Variants in CYREN observed in about 807,000 individuals in gnomAD.
CYREN encodes the protein cell cycle regulator of NHEJ.
A neutral mutation model predicts 9.7 loss-of-function variants in CYREN; 7 were observed. The ratio of observed to expected loss-of-function variants is 0.72; its 90% CI spans 0.41 to 1.36. The LOEUF is 1.36. Ranked by LOEUF, CYREN falls within the 40% of genes most tolerant of loss-of-function variation. The probability of loss-of-function intolerance (pLI) is 0.01; values close to 1 mark genes in which losing one functional copy is unlikely to be tolerated. For missense variants in CYREN, 215 were observed against 198.1 expected, an observed-to-expected ratio of 1.09 and a Z score of -0.51; for synonymous variants, 76 against 77.9, an observed-to-expected ratio of 0.98 and a Z score of 0.13.
intron 2 of CYREN, among the ~76,000 whole-genome samples, chr7:135,145,642 C>G (rs569667092): frequency 6.6e-6 from 1 of 152,122 alleles, no homozygotes; most frequent in Non-Finnish European, 1.5e-5. Flanking sequence ...AGCAAACAAA[C>G]TTTTTAAAAA....
chr7:135,138,147 G>C (rs1420219183), intron 2 of CYREN, among the ~76,000 whole-genome samples: 1 of 151,862 alleles, frequency 6.6e-6, no homozygotes, highest in African/African-American at 2.4e-5. Context: ...GTGGGAATTT[G>C]TCATCTCTAG....
chr7:135,141,604 G>A (rs1585331904), intron 2 of CYREN, among the ~76,000 whole-genome samples: 3 of 151,626 alleles, frequency 2.0e-5, no homozygotes, highest in South Asian at 2.1e-4. Context: ...CTTTGGGGTC[G>A]GTTCACTCCT....
chr7:135,125,566 C>A (rs1184103784), intron 2 of CYREN, among the ~76,000 whole-genome samples: 1 of 152,150 alleles, frequency 6.6e-6, no homozygotes, highest in Non-Finnish European at 1.5e-5. Context: ...ATCCTGATAC[C>A]AAAACCAGGA....
At chr7:135,102,856 C>G (rs1824060909) in intron 2 of CYREN, among the ~76,000 whole-genome samples, 2 of 152,006 alleles carry the variant, frequency 1.3e-5, no homozygotes, top group Non-Finnish European at 2.9e-5. Context: ...TCTTTATGGT[C>G]TTGGAATAAG....
At chr7:135,164,578 G>C, downstream of CYREN, 2 of 1,614,248 alleles carry the variant, frequency 1.2e-6, no homozygotes, top group South Asian at 1.1e-5. Flanking sequence ...CCCAACCTGA[G>C]AATCGGCTTC....
chr7:135,133,067 GCACA>G (rs55861736), intron 2 of CYREN, among the ~76,000 whole-genome samples: 9,340 of 150,322 alleles, frequency 0.062, 374 homozygotes, highest in Non-Finnish European at 0.095. Flanking sequence ...ACGCATGCGT[GCACA>G]CACACACACA....
intron 2 of CYREN, among the ~76,000 whole-genome samples, chr7:135,144,938 T>TG (rs1829517420): frequency 2.2e-5 from 1 of 45,618 alleles, no homozygotes; most frequent in East Asian, 1.1e-3. Flanking sequence ...CTCAAAAGAG[T>TG]AAAAAAAAAA....
intron 2 of CYREN, among the ~76,000 whole-genome samples, chr7:135,137,039 C>A (rs1055346895): frequency 2.0e-5 from 3 of 152,044 alleles, no homozygotes; most frequent in Admixed American, 1.3e-4. Flanking sequence ...AGCATCTCCT[C>A]CACCTGGCAG....
chr7:135,128,523 AG>A, intron 2 of CYREN: 1 of 762,856 alleles, frequency 1.3e-6, no homozygotes, highest in South Asian at 1.3e-5. Context: ...TTAGAAAAGC[AG>A]TCTGTCCAAG....
At chr7:135,144,249 C>T (rs902529458) in intron 2 of CYREN, among the ~76,000 whole-genome samples, 7 of 152,142 alleles carry the variant, frequency 4.6e-5, no homozygotes, top group African/African-American at 1.7e-4. Flanking sequence ...GAGGCTACTA[C>T]GCCACTCAGG....
intron 2 of CYREN, among the ~76,000 whole-genome samples, chr7:135,123,186 T>C (rs1203925985): frequency 6.6e-6 from 1 of 152,038 alleles, no homozygotes; most frequent in Admixed American, 6.6e-5. Context: ...AATAACCAGT[T>C]TAGAGAGGAA....
intron 2 of CYREN, among the ~76,000 whole-genome samples, chr7:135,096,791 G>GAAAGAAAGAAAGAA (rs1822964711): frequency 6.7e-6 from 1 of 148,690 alleles, no homozygotes; most frequent in Non-Finnish European, 1.5e-5. Flanking sequence ...AAGAAAGAAA[G>GAAAGAAAGAAAGAA]AAAAAGGGAA....
chr7:135,146,529 G>A (rs1829551364), intron 2 of CYREN, among the ~76,000 whole-genome samples: 1 of 152,154 alleles, frequency 6.6e-6, no homozygotes, highest in African/African-American at 2.4e-5. Context: ...CACAAAGAGA[G>A]ATGCACAATA....
At chr7:135,130,033 T>C (rs1828508479) in intron 2 of CYREN, among the ~76,000 whole-genome samples, 1 of 152,204 alleles carries the variant, frequency 6.6e-6, no homozygotes. Context: ...GAGTTAAACT[T>C]ACAGACCCTT....
At chr7:135,164,782 G>C (rs559385983), downstream of CYREN, 1 of 1,614,092 alleles carries the variant, frequency 6.2e-7, no homozygotes, top group Admixed American at 1.7e-5. Flanking sequence ...AGAGCGTGGC[G>C]GCTGGCAGTG....
intron 2 of CYREN, chr7:135,128,617 C>G (rs1801539011): frequency 2.5e-6 from 2 of 791,324 alleles, no homozygotes; most frequent in Admixed American, 3.5e-5. Context: ...GAAGAACACC[C>G]TGGCAGCGTG....
At position 135,121,556 on chromosome 7, in the gene CYREN, A is replaced by C. The variant is rs1371716908; in HGVS notation, n.357-26974T>G. ...TCAATAGCCAAAGGGTAATAGGAAA[A>C]AAAAAAAAAAACCTAAACATTTGGA... On this transcript the variant is annotated intron_variant and non_coding_transcript_variant, in intron 2 of 2. Transcript: ENST00000459937. Among the ~76,000 whole-genome samples the C allele has an allele frequency of 3.3e-5, 5 of 152,022 alleles. No homozygotes were observed. In the East Asian group the frequency reaches 9.6e-4, roughly 29 times the overall value.
At chr7:135,145,922 G>C (rs1315130157) in intron 2 of CYREN, among the ~76,000 whole-genome samples, 1 of 152,132 alleles carries the variant, frequency 6.6e-6, no homozygotes, top group Non-Finnish European at 1.5e-5. Flanking sequence ...AAACCTAACG[G>C]ACATACCTTA....
downstream of CYREN, among the ~76,000 whole-genome samples, chr7:135,163,002 C>T (rs1421183123): frequency 6.6e-6 from 1 of 152,338 alleles, no homozygotes; most frequent in East Asian, 1.9e-4. Context: ...GATATTTCTA[C>T]CCTTGATCCA....
Sources: gnomAD v4.1 joint callset for allele counts (sites outside exome capture counted in the v4.1 genomes callset) on GRCh38, gnomAD v4.1.1 for gene constraint, MANE v1.5 for transcripts, NCBI Gene and HGNC (gene_info 2026-07-23, HGNC 2026-07-21) for gene names.